Variants in DSE observed in about 807,000 individuals in gnomAD.
DSE encodes dermatan sulfate epimerase.
Under a neutral mutation model 84.4 loss-of-function variants are expected in DSE, and 36 were observed. That is an observed-to-expected ratio of 0.43 (90% CI 0.33 to 0.56). DSE has a LOEUF of 0.56. Among genes scored for constraint, DSE ranks in the 20% least tolerant of loss-of-function variants. DSE has a pLI of 0.06. For missense variants in DSE, 862 were observed against 1,169.6 expected (o/e 0.74, Z 3.84); for synonymous variants, 410 against 430.1 (o/e 0.95, Z 0.58).
chr6:116,258,866 C>T (rs749938152), exon 2 of DSE: 19 of 1,607,010 alleles, frequency 1.2e-5, no homozygotes, highest in Middle Eastern at 1.7e-4. Context: ...AGCTTCTTGC[C>T]GTTGTTGCAG....
chr6:116,288,733 T>C (rs755475163), intron 2 of DSE, among the ~76,000 whole-genome samples: 1 of 152,148 alleles, frequency 6.6e-6, no homozygotes, highest in Non-Finnish European at 1.5e-5. Flanking sequence ...TAGTGGCTGC[T>C]ATATTGGATC....
intron 2 of DSE, among the ~76,000 whole-genome samples, chr6:116,425,510 A>G (rs937742855): frequency 1.4e-4 from 22 of 152,236 alleles, no homozygotes; most frequent in Non-Finnish European, 2.9e-4. Context: ...TTCCTGCTTA[A>G]TGCAAGCCAC....
At chr6:116,379,645 A>G (rs1192187913) in intron 1 of DSE, among the ~76,000 whole-genome samples, 1 of 152,166 alleles carries the variant, frequency 6.6e-6, no homozygotes, top group African/African-American at 2.4e-5. Flanking sequence ...GGAAACAAGT[A>G]CTGTTCAGGG....
chr6:116,407,913 G>A (rs1450228531), intron 2 of DSE, among the ~76,000 whole-genome samples: 3 of 152,312 alleles, frequency 2.0e-5, no homozygotes, highest in East Asian at 3.9e-4. Context: ...TGGACCATGT[G>A]GCACTGGTAT....
intron 2 of DSE, among the ~76,000 whole-genome samples, chr6:116,314,615 T>G (rs540131574): frequency 1.3e-5 from 2 of 152,356 alleles, no homozygotes; most frequent in South Asian, 4.1e-4. Flanking sequence ...TGCTCTGGAC[T>G]AAATATATTT....
At chr6:116,403,273 A>G (rs1781712838) in intron 2 of DSE, among the ~76,000 whole-genome samples, 1 of 152,164 alleles carries the variant, frequency 6.6e-6, no homozygotes, top group Non-Finnish European at 1.5e-5. Flanking sequence ...GTAACAGAGT[A>G]ATTTGAGCTT....
At chr6:116,428,508 T>C (rs935231320) in intron 3 of DSE, among the ~76,000 whole-genome samples, 1 of 152,230 alleles carries the variant, frequency 6.6e-6, no homozygotes, top group African/African-American at 2.4e-5. Flanking sequence ...AATCAAAATA[T>C]GTCATTTTGC....
chr6:116,356,685 TA>T (rs1778589192), intron 2 of DSE, among the ~76,000 whole-genome samples: 1 of 152,184 alleles, frequency 6.6e-6, no homozygotes, highest in Non-Finnish European at 1.5e-5. Flanking sequence ...TAAAGTGACT[TA>T]TTCTGGTAAC....
At position 116,385,195 on chromosome 6, in the gene DSE, A is replaced by G. The variant is rs1278890042; in HGVS notation, c.-53-14003A>G. 2.0e-5 allele frequency among the ~76,000 whole-genome samples: 3 copies of G among 152,264 alleles called. No homozygotes were observed. The South Asian group carries it at 6.2e-4, about 32-fold the overall frequency. ...TGGACAGTCGGACATGAAGGCAGAG[A>G]GGCAGTATGGCCAGGCTGCTTAGCC... On this transcript the variant is annotated intron_variant, in intron 1 of 5. Transcript: ENST00000644252.
intron 2 of DSE, chr6:116,288,432 T>C (rs1774069427): frequency 6.6e-6 from 1 of 152,118 alleles, no homozygotes; most frequent in East Asian, 1.9e-4. Context: ...GAGAAGAATA[T>C]AATCCCTGTG....
intron 2 of DSE, among the ~76,000 whole-genome samples, chr6:116,354,571 C>T (rs986178997): frequency 2.0e-5 from 3 of 152,054 alleles, no homozygotes; most frequent in African/African-American, 7.2e-5. Flanking sequence ...CTTGCTTTTC[C>T]CATCTAAGGA....
At chr6:116,279,440 C>T in intron 2 of DSE, 1 of 1,613,496 alleles carries the variant, frequency 6.2e-7, no homozygotes, top group Non-Finnish European at 8.5e-7. Flanking sequence ...ATTTCTAGGG[C>T]CTTCTCTCCA....
In DSE at chr6:116,437,022, G is replaced by T; in HGVS notation, c.2554G>T (p.Glu852Ter). 1.2e-6 allele frequency: 2 copies of T among 1,614,068 alleles called. No individual in the cohort carries two copies. Among genetic ancestry groups the T allele is most frequent in the Non-Finnish European group, 1.7e-6 (2 of 1,179,972 alleles). Residue 852 changes from glutamate to a stop codon, truncating the protein, a stop_gained, in exon 6 of 6, where the codon GAA becomes TAA. Coordinates refer to ENST00000644252, the MANE Select transcript of DSE (RefSeq NM_013352.4). LOFTEE classifies it high-confidence loss of function. ...ILAQKELPID[E>*]DEEMKDLLDF... ...GGCACAGAAAGAACTACCCATAGATGAAGATGAAGAAATGAAAGACCTTTT... is the reference window on the plus strand; with the variant it reads ...GGCACAGAAAGAACTACCCATAGATTAAGATGAAGAAATGAAAGACCTTTT...
chr6:116,337,689 CATTG>C (rs1327241770), intron 2 of DSE, among the ~76,000 whole-genome samples: 7 of 152,092 alleles, frequency 4.6e-5, no homozygotes, highest in Non-Finnish European at 4.4e-5. Flanking sequence ...AATTGAAAAA[CATTG>C]ATATTACTGA....
intron 2 of DSE, among the ~76,000 whole-genome samples, chr6:116,352,315 C>A (rs1778353016): frequency 6.6e-6 from 1 of 152,218 alleles, no homozygotes. Flanking sequence ...CCTGTTCCTG[C>A]ATCCAAGAAT....
chr6:116,270,506 T>C (rs778803713), intron 2 of DSE, among the ~76,000 whole-genome samples: 2 of 152,168 alleles, frequency 1.3e-5, no homozygotes, highest in Non-Finnish European at 2.9e-5. Flanking sequence ...GTTCTTTACA[T>C]CTCAGCAGCC....
intron 2 of DSE, among the ~76,000 whole-genome samples, chr6:116,349,857 G>A (rs568695122): frequency 6.6e-6 from 1 of 152,234 alleles, no homozygotes; most frequent in East Asian, 1.9e-4. Flanking sequence ...TATGCCTTTG[G>A]TTGATTTTCA....
intron 2 of DSE, among the ~76,000 whole-genome samples, chr6:116,313,571 A>C (rs1177159014): frequency 6.6e-6 from 1 of 152,232 alleles, no homozygotes. Context: ...TTTATAAATT[A>C]ATTGCAAGCA....
chr6:116,265,237 G>GA (rs1772575269), intron 2 of DSE, among the ~76,000 whole-genome samples: 1 of 152,154 alleles, frequency 6.6e-6, no homozygotes, highest in Non-Finnish European at 1.5e-5. Flanking sequence ...TGTTGACTCA[G>GA]GGGTGGGTCA....
Sources: allele counts gnomAD v4.1 joint callset (sites outside exome capture counted in the v4.1 genomes callset), GRCh38; gene constraint gnomAD v4.1.1; transcripts MANE v1.5; gene names NCBI Gene and HGNC (gene_info 2026-07-23, HGNC 2026-07-21).